The following DHRSX variants were observed in gnomAD, a reference collection of about 807,000 sequenced individuals.
DHRSX encodes polyprenol dehydrogenase.
A neutral mutation model predicts 34.0 loss-of-function variants in DHRSX; 31 were observed. The ratio of observed to expected loss-of-function variants is 0.91; its 90% CI spans 0.69 to 1.23. The LOEUF (loss-of-function observed/expected upper bound fraction) is 1.23, where lower values mean the gene tolerates loss of function less well. Ranked by LOEUF, DHRSX falls within the 50% of genes most tolerant of loss-of-function variation. DHRSX has a pLI of 0.00. For missense variants in DHRSX, 414 were observed against 428.1 expected (o/e 0.97, Z 0.29); for synonymous variants, 201 against 183.8 (o/e 1.09, Z -0.76).
intron 3 of DHRSX, among the ~76,000 whole-genome samples, chrX:2,404,281 G>T (rs1394619520): frequency 6.6e-6 from 1 of 152,054 alleles, no homozygotes; most frequent in African/African-American, 2.4e-5. Context: ...CGGAAATGCT[G>T]ATGTGACAGG....
chrX:2,321,762 T>C (rs1351526910), intron 3 of DHRSX, among the ~76,000 whole-genome samples: 1 of 152,064 alleles, frequency 6.6e-6, no homozygotes, highest in Admixed American at 6.6e-5. Context: ...CAGGTTTGAA[T>C]TGCACGGGTC....
intron 1 of DHRSX, among the ~76,000 whole-genome samples, chrX:2,495,694 A>C: frequency 6.6e-6 from 1 of 151,008 alleles, no homozygotes; most frequent in East Asian, 2.0e-4. Flanking sequence ...CGAGCACACA[A>C]GGCCACGAAT....
At chrX:2,366,117 G>A (rs1333274078) in intron 3 of DHRSX, among the ~76,000 whole-genome samples, 3 of 152,094 alleles carry the variant, frequency 2.0e-5, no homozygotes, top group Admixed American at 6.6e-5. Context: ...ATACCCCTAC[G>A]ACGGCTGATG....
At chrX:2,328,554 C>T (rs1399347518) in intron 3 of DHRSX, among the ~76,000 whole-genome samples, 1 of 146,196 alleles carries the variant, frequency 6.8e-6, no homozygotes, top group Non-Finnish European at 1.5e-5. Context: ...TAAGACACCT[C>T]ATAAGAGGAG....
At chrX:2,418,320 T>C (rs1236415012) in intron 2 of DHRSX, among the ~76,000 whole-genome samples, 1 of 152,074 alleles carries the variant, frequency 6.6e-6, no homozygotes, top group African/African-American at 2.4e-5. Context: ...CATGATCTAA[T>C]ACAACTAGAC....
chrX:2,259,395 G>GAT (rs34990707), intron 5 of DHRSX, among the ~76,000 whole-genome samples: 59,868 of 123,940 alleles, frequency 0.48, 13,820 homozygotes, highest in Middle Eastern at 0.58. Context: ...TAGATATATA[G>GAT]ATATATATAT....
chrX:2,440,287 ACTT>A (rs1226973556), intron 1 of DHRSX, among the ~76,000 whole-genome samples: 1 of 149,298 alleles, frequency 6.7e-6, no homozygotes, highest in Admixed American at 6.7e-5. Context: ...TGCAGCCTCA[ACTT>A]CCCAGGCTCA....
intron 3 of DHRSX, among the ~76,000 whole-genome samples, chrX:2,307,260 T>C (rs2042109675): frequency 2.6e-5 from 4 of 152,092 alleles, no homozygotes; most frequent in South Asian, 2.1e-4. Context: ...GAGCTAAACA[T>C]TGAATAATCA....
chrX:2,304,023 TGATGGATGGATGGATGGATG>T lies in DHRSX; in HGVS notation c.287-12440_287-12421del, dbSNP rs745829295. Among the ~76,000 whole-genome samples the T allele has an allele frequency of 8.1e-3, 553 of 67,890 alleles. 1 individual carries two copies. The highest frequency in any genetic ancestry group is 0.021 in the Admixed American group (129 of 6,100). 44.5% of individuals were successfully genotyped at this position (67,890 alleles called of 152,430 possible). On this transcript the variant is annotated intron_variant, in intron 3 of 6. Coordinates refer to ENST00000334651, the MANE Select transcript of DHRSX (RefSeq NM_145177.3). ...TTGATGGATGGACGGATGGATGAACTGATGGATGGATGGATGGATGGATGGATGGATGGATGGATGGGTGG... is the reference window on the plus strand; with the variant it reads ...TTGATGGATGGACGGATGGATGAACTGATGGATGGATGGATGGATGGGTGG...
intron 3 of DHRSX, among the ~76,000 whole-genome samples, chrX:2,385,110 ATGTGTGTGTGTG>A (rs934167358): frequency 0.048 from 7,044 of 146,568 alleles, 262 homozygotes; most frequent in South Asian, 0.12. Context: ...TCAAATATAT[ATGTGTGTGTGTG>A]TGTGTGTGTG....
intron 1 of DHRSX, among the ~76,000 whole-genome samples, chrX:2,463,926 C>T (rs899905843): frequency 3.9e-5 from 6 of 152,144 alleles, no homozygotes; most frequent in African/African-American, 1.4e-4. Flanking sequence ...CAAGGGACTG[C>T]CACTGTATGC....
At chrX:2,262,194 A>G (rs1207088593) in intron 5 of DHRSX, among the ~76,000 whole-genome samples, 1 of 152,170 alleles carries the variant, frequency 6.6e-6, no homozygotes, top group Non-Finnish European at 1.5e-5. Flanking sequence ...ACCCTTCAGC[A>G]TGGAGCCCGA....
intron 3 of DHRSX, among the ~76,000 whole-genome samples, chrX:2,351,527 A>G (rs991383360): frequency 4.6e-5 from 7 of 152,168 alleles, no homozygotes; most frequent in Admixed American, 4.6e-4. Flanking sequence ...AGGCCACCCA[A>G]TGGGAGAAAG....
chrX:2,387,458 C>A (rs1277970852), intron 3 of DHRSX, among the ~76,000 whole-genome samples: 2 of 152,136 alleles, frequency 1.3e-5, no homozygotes, highest in Non-Finnish European at 2.9e-5. Flanking sequence ...AGTCCCAAAG[C>A]TGAAGAACTT....
Position 2,431,256 on chromosome X carries a change from T to G in DHRSX, c.110-5952A>C, listed in dbSNP as rs868106970. 1.6e-3 allele frequency among the ~76,000 whole-genome samples: 240 copies of G among 146,812 alleles called. 1 individual carries two copies. Among genetic ancestry groups the G allele is most frequent in the African/African-American group, 5.8e-3 (229 of 39,348 alleles). On this transcript the variant is annotated intron_variant, in intron 1 of 6. Transcript: ENST00000334651. ...AGGAGAATGGCGTGAACCTGGGAGG[T>G]AGAGCTTGCAGTGAGCCGAGATTGT... is the stretch of plus-strand genomic sequence containing the variant.
At chrX:2,314,455 G>GAGGA (rs2042213778) in intron 3 of DHRSX, among the ~76,000 whole-genome samples, 5 of 26,794 alleles carry the variant, frequency 1.9e-4, no homozygotes, top group Non-Finnish European at 4.3e-4. Context: ...GGGGAGAAGG[G>GAGGA]AGGAAGGAAG....
chrX:2,339,933 G>A (rs2042619704), intron 3 of DHRSX, among the ~76,000 whole-genome samples: 1 of 152,046 alleles, frequency 6.6e-6, no homozygotes, highest in Non-Finnish European at 1.5e-5. Flanking sequence ...AGATCCTTGA[G>A]GAATCCCCAC....
chrX:2,396,623 C>G (rs1431600464), intron 3 of DHRSX, among the ~76,000 whole-genome samples: 1 of 151,824 alleles, frequency 6.6e-6, no homozygotes, highest in Non-Finnish European at 1.5e-5. Context: ...AGCAATCCAC[C>G]CGCCTTGGCC....
rs750804268 is a variant in DHRSX, at chrX:2,235,014, T to G, written c.804+8009A>C. Among the ~76,000 whole-genome samples, 5 of 152,226 alleles carry G rather than the reference T, an allele frequency of 3.3e-5. No individual in the cohort carries two copies. In the South Asian group the frequency reaches 1.0e-3, roughly 32 times the overall value. On this transcript the variant is annotated intron_variant, in intron 6 of 6. Coordinates refer to ENST00000334651, the MANE Select transcript of DHRSX (RefSeq NM_145177.3). Reference sequence around the variant, plus strand: ...GCATGATCCACCATGCCCAGCCTGTTTCCACTTTCTAAGGTCCCTAGAGTC... The same window carrying G: ...GCATGATCCACCATGCCCAGCCTGTGTCCACTTTCTAAGGTCCCTAGAGTC...
Sources: gnomAD v4.1 joint callset for allele counts (sites outside exome capture counted in the v4.1 genomes callset) on GRCh38, gnomAD v4.1.1 for gene constraint, MANE v1.5 for transcripts, NCBI Gene and HGNC (gene_info 2026-07-23, HGNC 2026-07-21) for gene names.